Variants in PPM1B observed in about 807,000 individuals in gnomAD.
PPM1B encodes the protein protein phosphatase, Mg2+/Mn2+ dependent 1B, also known as protein phosphatase 1B.
PPM1B carries 22 observed loss-of-function variants against 43.0 expected under a neutral mutation model. The observed-to-expected ratio is 0.51, with a 90% CI of 0.37 to 0.73. The LOEUF is 0.73. Ranked by LOEUF, PPM1B falls within the 30% of genes least tolerant of loss-of-function variation. The probability of loss-of-function intolerance (pLI) is 0.00; values close to 1 mark genes in which losing one functional copy is unlikely to be tolerated. For missense variants in PPM1B, 632 were observed against 584.2 expected (o/e 1.08, Z -0.84); for synonymous variants, 217 against 197.9 (o/e 1.10, Z -0.81).
intron 3 of PPM1B, 27 bp from the exon 4 acceptor site, chr2:44,217,940 T>A (rs1186530197): frequency 2.0e-6 from 3 of 1,496,662 alleles, no homozygotes; most frequent in Admixed American, 2.1e-5. Flanking sequence ...CACATTAATT[T>A]AGGAACTTTT....
At chr2:44,189,053 A>G (rs576891985) in intron 1 of PPM1B, among the ~76,000 whole-genome samples, 2 of 151,660 alleles carry the variant, frequency 1.3e-5, no homozygotes, top group East Asian at 3.9e-4. Context: ...TGTATTTTTT[A>G]TGGAGATGAG....
intron 1 of PPM1B, among the ~76,000 whole-genome samples, chr2:44,178,961 A>T (rs1667726875): frequency 6.8e-6 from 1 of 146,442 alleles, no homozygotes; most frequent in African/African-American, 2.4e-5. Flanking sequence ...CATTCTTTTA[A>T]AAAATATTAA....
intron 1 of PPM1B, among the ~76,000 whole-genome samples, chr2:44,187,157 A>G (rs924091157): frequency 6.6e-6 from 1 of 152,224 alleles, no homozygotes; most frequent in African/African-American, 2.4e-5. Context: ...ACTGTTTTAG[A>G]TACCCCATGT....
intron 5 of PPM1B, among the ~76,000 whole-genome samples, chr2:44,225,459 A>G (rs1467749932): frequency 6.6e-6 from 1 of 152,250 alleles, no homozygotes; most frequent in Non-Finnish European, 1.5e-5. Flanking sequence ...AAAATCAAAT[A>G]TAATGGCTGC....
chr2:44,246,446 A>G (rs943581811), downstream of PPM1B, among the ~76,000 whole-genome samples: 4 of 152,152 alleles, frequency 2.6e-5, no homozygotes, highest in African/African-American at 4.8e-5. Flanking sequence ...AGTAACTCCA[A>G]AATTTCATAC....
At chr2:44,205,758 A>G (rs999573216) in intron 2 of PPM1B, among the ~76,000 whole-genome samples, 52 of 152,278 alleles carry the variant, frequency 3.4e-4, no homozygotes, top group African/African-American at 1.2e-3. Flanking sequence ...AATTTCATTT[A>G]TATACCATCT....
At chr2:44,205,354 G>GGTGTGTGTGTCGGGGTGTGTGTGTGTGT (rs1553333036) in intron 2 of PPM1B, among the ~76,000 whole-genome samples, 17,653 of 90,480 alleles carry the variant, frequency 0.2, 1,152 homozygotes, top group South Asian at 0.33. Flanking sequence ...TGTGGGTGTG[G>GGTGTGTGTGTCGGGGTGTGTGTGTGTGT]GTGTGTGTGT....
intron 2 of PPM1B, among the ~76,000 whole-genome samples, chr2:44,204,273 C>T (rs1669067394): frequency 1.3e-5 from 2 of 152,044 alleles, no homozygotes; most frequent in Admixed American, 6.6e-5. Context: ...CAAGGGTTAG[C>T]AATAAGATCA....
chr2:44,241,156 A>G (rs1263017047), intron 5 of PPM1B, among the ~76,000 whole-genome samples: 1 of 143,592 alleles, frequency 7.0e-6, no homozygotes, highest in African/African-American at 2.5e-5. Flanking sequence ...GGAATGCGTC[A>G]CCACGCCCGG....
chr2:44,225,776 C>A (rs528394058), intron 5 of PPM1B, among the ~76,000 whole-genome samples: 2 of 152,086 alleles, frequency 1.3e-5, no homozygotes, highest in Non-Finnish European at 2.9e-5. Context: ...CCTGCCTCAC[C>A]CTCCCAAGTA....
At chr2:44,197,100 T>C (rs1668698129) in intron 1 of PPM1B, among the ~76,000 whole-genome samples, 1 of 152,156 alleles carries the variant, frequency 6.6e-6, no homozygotes, top group Non-Finnish European at 1.5e-5. Context: ...ATCTACCCCC[T>C]ACCCAGTTTC....
At chr2:44,170,522 C>T (rs566312288) in intron 1 of PPM1B, among the ~76,000 whole-genome samples, 1 of 152,306 alleles carries the variant, frequency 6.6e-6, no homozygotes, top group African/African-American at 2.4e-5. Flanking sequence ...TTTATTTGAG[C>T]TACTGCATGG....
chr2:44,197,268 C>T (rs762637457), intron 1 of PPM1B, among the ~76,000 whole-genome samples: 2 of 152,024 alleles, frequency 1.3e-5, no homozygotes, highest in African/African-American at 4.8e-5. Flanking sequence ...TACAGCCGTG[C>T]GCCACCATGT....
chr2:44,226,977 TGAA>T (rs1670247347), intron 5 of PPM1B, among the ~76,000 whole-genome samples: 2 of 146,170 alleles, frequency 1.4e-5, no homozygotes, highest in South Asian at 4.5e-4. Context: ...TATTTATGAA[TGAA>T]TGAATGAATG....
At chr2:44,204,517 A>G (rs116178556) in intron 2 of PPM1B, among the ~76,000 whole-genome samples, 141 of 152,296 alleles carry the variant, frequency 9.3e-4, no homozygotes, top group African/African-American at 3.3e-3. Context: ...TTGGGAGGTT[A>G]TCATAATCAT....
intron 1 of PPM1B, among the ~76,000 whole-genome samples, chr2:44,175,132 T>G (rs915799040): frequency 6.6e-6 from 1 of 152,154 alleles, no homozygotes; most frequent in East Asian, 1.9e-4. Flanking sequence ...CATGTGCCTG[T>G]AATCCTAGCT....
At chr2:44,180,201 C>G (rs1667803482) in intron 1 of PPM1B, among the ~76,000 whole-genome samples, 1 of 152,120 alleles carries the variant, frequency 6.6e-6, no homozygotes, top group South Asian at 2.1e-4. Flanking sequence ...TCATATATTT[C>G]TCCCTTTGTT....
chr2:44,210,204 T>TA (rs1405448961), intron 3 of PPM1B, among the ~76,000 whole-genome samples: 3 of 150,334 alleles, frequency 2.0e-5, no homozygotes, highest in African/African-American at 7.4e-5. Flanking sequence ...TTAAACTTCA[T>TA]TTGGCAATAA....
At chr2:44,233,218 C>A, downstream of PPM1B, 1 of 911,520 alleles carries the variant, frequency 1.1e-6, no homozygotes, top group Non-Finnish European at 1.3e-6. Flanking sequence ...TATTTTTAAT[C>A]ATTTATGTTA....
Sources: allele counts gnomAD v4.1 joint callset (sites outside exome capture counted in the v4.1 genomes callset), GRCh38; gene constraint gnomAD v4.1.1; transcripts MANE v1.5; gene names NCBI Gene and HGNC (gene_info 2026-07-23, HGNC 2026-07-21).